WDR36: variants seen among roughly 807,000 people sequenced by gnomAD.
The protein encoded by WDR36 is WD repeat domain 36, also known as WD repeat-containing protein 36.
In WDR36, 63 loss-of-function variants were observed where a neutral mutation model predicts 112.7. The ratio of observed to expected loss-of-function variants is 0.56; its 90% confidence interval spans 0.46 to 0.69. The LOEUF is 0.69. WDR36 is among the 30% of genes least tolerant of loss of function. The pLI is 0.00. For synonymous variants in WDR36, 410 were observed against 362.2 expected, an observed-to-expected ratio of 1.13 and a Z score of -1.50; for missense variants, 1,226 against 1,070.3, an observed-to-expected ratio of 1.15 and a Z score of -2.03.
intron 8 of WDR36, 129 bp downstream of exon 8, chr5:111,104,481 A>G (rs1231100265): frequency 2.8e-6 from 4 of 1,443,010 alleles, no homozygotes; most frequent in Admixed American, 1.7e-5. Flanking sequence ...ATTGGTATAG[A>G]TGAAACAAAA....
At chr5:111,111,010 G>A in intron 14 of WDR36, 57 bp downstream of exon 14, 1 of 1,598,666 alleles carries the variant, frequency 6.3e-7, no homozygotes, top group Non-Finnish European at 8.6e-7. Flanking sequence ...AAGTCATAAA[G>A]TCACAATTTA....
intron 16 of WDR36, among the ~76,000 whole-genome samples, chr5:111,113,730 A>T (rs1753396438): frequency 6.6e-6 from 1 of 152,106 alleles, no homozygotes; most frequent in Admixed American, 6.6e-5. Context: ...ATCTGGTGAG[A>T]GCCTTCTTGC....
At chr5:111,111,829 G>A (rs1753347480) in intron 15 of WDR36, among the ~76,000 whole-genome samples, 1 of 151,752 alleles carries the variant, frequency 6.6e-6, no homozygotes, top group Non-Finnish European at 1.5e-5. Context: ...TCATTAAAAA[G>A]AACTTTTAAA....
chr5:111,114,702 T>C (rs1159027992), intron 16 of WDR36, among the ~76,000 whole-genome samples: 1 of 152,212 alleles, frequency 6.6e-6, no homozygotes, highest in Non-Finnish European at 1.5e-5. Context: ...AAAAAACATT[T>C]TGTTAAAGAC....
At chr5:111,107,711 A>G (rs936961291) in intron 12 of WDR36, among the ~76,000 whole-genome samples, 1 of 151,318 alleles carries the variant, frequency 6.6e-6, no homozygotes, top group African/African-American at 2.4e-5. Context: ...GTGGATATCC[A>G]GTTGTCCCAG....
At position 111,129,468 on chromosome 5, in the gene WDR36, C is replaced by A. The variant is rs886059782; in HGVS notation, c.*2585C>A. On this transcript the variant is annotated 3_prime_UTR_variant, in exon 23 of 23. Coordinates refer to ENST00000513710, the MANE Select transcript of WDR36 (RefSeq NM_139281.3). The stretch of plus-strand genomic sequence containing the variant: ...TTTTGGTTTTAAATCAGAAATTTCT[C>A]ACTAGTGAAGATGGACATATTTTTG... The A allele has an allele frequency of 1.0e-5, 2 of 193,040 alleles. No homozygotes were observed. The highest frequency in any genetic ancestry group is 2.2e-5 in the Non-Finnish European group (2 of 92,446). 12.0% of individuals were successfully genotyped at this position (193,040 alleles called of 1,614,324 possible).
intron 6 of WDR36, 28 bp from the exon 7 acceptor site, chr5:111,103,758 G>A: frequency 5.6e-6 from 9 of 1,609,544 alleles, no homozygotes; most frequent in Non-Finnish European, 7.6e-6. Context: ...GCTTAAGAAA[G>A]TAAAAGTTTG....
chr5:111,098,317 A>G (rs1181481410), intron 3 of WDR36, among the ~76,000 whole-genome samples: 2 of 151,396 alleles, frequency 1.3e-5, no homozygotes, highest in African/African-American at 4.8e-5. Context: ...CCCCTTTCCC[A>G]TCTCATCTGA....
chr5:111,102,476 T>C, intron 6 of WDR36, 77 bp downstream of exon 6: 1 of 1,417,350 alleles, frequency 7.1e-7, no homozygotes, highest in South Asian at 1.2e-5. Context: ...CAATCATAAT[T>C]TTAGACGTAA....
intron 1 of WDR36, among the ~76,000 whole-genome samples, 171 bp from the exon 2 acceptor site, chr5:111,094,749 C>T (rs564721482): frequency 6.6e-6 from 1 of 152,086 alleles, no homozygotes. Flanking sequence ...TGGTGAAATA[C>T]AGTTGAAAAT....
At position 111,107,448 on chromosome 5, in the gene WDR36, G is replaced by A. The variant is rs764189183; in HGVS notation, c.1326+9G>A. ...ATGACATAACTGCAACAGTAAGTGAGCTTGTTTATAAGAGTATCTTCTCTT... is the reference window on the plus strand; with the variant it reads ...ATGACATAACTGCAACAGTAAGTGAACTTGTTTATAAGAGTATCTTCTCTT... On this transcript the variant is annotated intron_variant, in intron 12 of 22. Coordinates refer to ENST00000513710, the MANE Select transcript of WDR36 (RefSeq NM_139281.3). 2 of 1,608,856 alleles carry A rather than the reference G, an allele frequency of 1.2e-6. No homozygotes were observed. Among genetic ancestry groups the A allele is most frequent in the East Asian group, 2.2e-5 (1 of 44,728 alleles).
intron 16 of WDR36, among the ~76,000 whole-genome samples, chr5:111,115,526 A>G (rs1396112112): frequency 6.6e-6 from 1 of 152,128 alleles, no homozygotes; most frequent in Non-Finnish European, 1.5e-5. Context: ...CTTAACACTT[A>G]TGTTATCATC....
intron 21 of WDR36, among the ~76,000 whole-genome samples, chr5:111,124,459 ATATT>A (rs1176544474): frequency 7.2e-5 from 11 of 152,148 alleles, no homozygotes; most frequent in African/African-American, 1.7e-4. Flanking sequence ...GTTATTGACT[ATATT>A]TATAATAAGG....
At chr5:111,102,466 C>A in intron 6 of WDR36, 67 bp downstream of exon 6, 1 of 1,476,770 alleles carries the variant, frequency 6.8e-7, no homozygotes, top group Non-Finnish European at 9.5e-7. Flanking sequence ...TTTCAGGAAT[C>A]AATCATAATT....
At chr5:111,099,451 G>GTTTTTTTTTTTTTTTTTT (rs796092518) in intron 4 of WDR36, among the ~76,000 whole-genome samples, 1 of 55,636 alleles carries the variant, frequency 1.8e-5, no homozygotes, top group Non-Finnish European at 4.0e-5. Flanking sequence ...GTTTTTTTTT[G>GTTTTTTTTTTTTTTTTTT]TTTTTTTTTT....
At chr5:111,099,971 T>G (rs1369663393) in intron 4 of WDR36, among the ~76,000 whole-genome samples, 1 of 152,068 alleles carries the variant, frequency 6.6e-6, no homozygotes, top group African/African-American at 2.4e-5. Flanking sequence ...CATAGAAATT[T>G]TGAATGTAAC....
intron 21 of WDR36, 53 bp downstream of exon 21, chr5:111,124,242 A>G: frequency 2.9e-6 from 4 of 1,400,912 alleles, no homozygotes; most frequent in South Asian, 1.2e-5. Context: ...ATTTTACTGT[A>G]TATGAGGAGA....
At position 111,092,587 on chromosome 5, in the gene WDR36, C is replaced by G. The variant is rs775806252; in HGVS notation, c.131C>G (p.Thr44Ser). The G allele has an allele frequency of 1.9e-6, 3 of 1,614,012 alleles. No individual in the cohort carries two copies. The highest frequency in any genetic ancestry group is 1.1e-5 in the South Asian group (1 of 91,062). The change falls in exon 1 of 23, where the codon ACC (threonine) becomes AGC (serine). Residue 44 changes from threonine (T) to serine (S), a missense_variant. By Grantham distance (58) the Thr-to-Ser change is moderately conservative. Coordinates refer to ENST00000513710, the MANE Select transcript of WDR36 (RefSeq NM_139281.3). ...SALKRRFYVT[T>S]CVGKSFHTYD... ...CTCAAGCGCCGGTTCTATGTAACAA[C>G]CTGCGTGGGCAAGAGTTTCCACACC...
chr5:111,124,704 GAACT>G (rs1753643273), intron 21 of WDR36, among the ~76,000 whole-genome samples: 1 of 152,224 alleles, frequency 6.6e-6, no homozygotes, highest in Middle Eastern at 3.4e-3. Context: ...TTAGCCATAA[GAACT>G]GTAATCATTT....
Sources: allele counts gnomAD v4.1 joint callset (sites outside exome capture counted in the v4.1 genomes callset), GRCh38; gene constraint gnomAD v4.1.1; transcripts MANE v1.5; gene names NCBI Gene and HGNC (gene_info 2026-07-23, HGNC 2026-07-21).